The following RAB29 variants were observed in gnomAD, a reference collection of about 807,000 sequenced individuals.
The protein encoded by RAB29 is RAB29, member RAS oncogene family, also known as ras-related protein Rab-29.
RAB29 carries 13 observed loss-of-function variants against 25.5 expected under a neutral mutation model. The observed-to-expected ratio is 0.51, with a 90% confidence interval of 0.33 to 0.81. The LOEUF (loss-of-function observed/expected upper bound fraction) is 0.81. Ranked by LOEUF, RAB29 falls within the 30% of genes least tolerant of loss-of-function variation. RAB29 has a pLI of 0.02. For missense variants in RAB29, 201 were observed against 254.9 expected (o/e 0.79, Z 1.44); for synonymous variants, 88 against 95.0 (o/e 0.93, Z 0.43).
chr1:205,774,944 C>T lies in RAB29; in HGVS notation c.13G>A (p.Asp5Asn), dbSNP rs1476357239. ...ACCACCAGCACTTTGAACAGGTGGTCGCGGCTGCCCATGGCTAGCGGGGTG... is the reference window on the plus strand; with the variant it reads ...ACCACCAGCACTTTGAACAGGTGGTTGCGGCTGCCCATGGCTAGCGGGGTG... MGSR[D>N]HLFKVLVVGD... Residue 5 changes from aspartate to asparagine, a missense_variant, in exon 2 of 6, where the codon GAC (aspartate) becomes AAC (asparagine). By Grantham distance (23) the Asp-to-Asn change is conservative. Transcript: ENST00000367139. The T allele has an allele frequency of 5.6e-6, 9 of 1,613,776 alleles. No individual in the cohort carries two copies. Among genetic ancestry groups the T allele is most frequent in the Non-Finnish European group, 7.6e-6 (9 of 1,180,006 alleles).
chr1:205,774,795 T>TGCACC, intron 2 of RAB29, 38 bp downstream of exon 2: 2 of 860,522 alleles, frequency 2.3e-6, no homozygotes, highest in Non-Finnish European at 3.7e-6. Context: ...CGGGGCCTCC[T>TGCACC]CCTCCCCCTC....
intron 2 of RAB29, among the ~76,000 whole-genome samples, chr1:205,773,650 A>G (rs978477414): frequency 6.6e-6 from 1 of 152,030 alleles, no homozygotes; most frequent in Admixed American, 6.6e-5. Flanking sequence ...TTTCCCGAGT[A>G]GCTGGGACCA....
In RAB29 at chr1:205,770,556, G is replaced by A. The variant is rs1654935250; in HGVS notation, c.501-103C>T. On this transcript the variant is annotated intron_variant, in intron 5 of 5. Coordinates refer to ENST00000367139, the MANE Select transcript of RAB29 (RefSeq NM_003929.3). ...CAGAGAGTATTTGGTAAAGCCAGAA[G>A]GTTTAAATGCCCCTTTGTCCCCAGT... The A allele has an allele frequency of 5.0e-6, 7 of 1,399,836 alleles. No individual in the cohort carries two copies. In the South Asian group the frequency reaches 8.5e-5, roughly 17 times the overall value. The allele number at this position is 1,399,836 out of a possible 1,614,324, so 86.7% of individuals were successfully genotyped here. A position where few individuals can be genotyped will look rare whatever the true frequency, so the allele number is the denominator to read the frequency against.
Position 205,769,506 on chromosome 1 carries a change from G to GCAACCTCTGCCTCC in RAB29, c.*822_*835dup, listed in dbSNP as rs1654880176. The stretch of plus-strand genomic sequence containing the variant: ...TGCGGTGGCATGATCTCGGTTCACT[G>GCAACCTCTGCCTCC]CAACCTCTGCCTCCCAGTCTCAAGC... On this transcript the variant is annotated 3_prime_UTR_variant, in exon 6 of 6. Coordinates refer to ENST00000367139, the MANE Select transcript of RAB29 (RefSeq NM_003929.3). 2.0e-5 allele frequency: 3 copies of GCAACCTCTGCCTCC among 151,874 alleles called. No individual in the cohort carries two copies. Among genetic ancestry groups the GCAACCTCTGCCTCC allele is most frequent in the African/African-American group, 7.3e-5 (3 of 41,300 alleles). 9.4% of individuals were successfully genotyped at this position (151,874 alleles called of 1,614,324 possible).
rs562414235 is a variant in RAB29 at position 205,770,144 on chromosome 1, A to G, written c.*198T>C. The G allele has an allele frequency of 5.3e-5, 32 of 606,162 alleles. 1 individual carries two copies. The South Asian group carries it at 5.9e-4, about 11-fold the overall frequency. 37.5% of individuals were successfully genotyped at this position (606,162 alleles called of 1,614,324 possible). On this transcript the variant is annotated 3_prime_UTR_variant, in exon 6 of 6. Coordinates refer to ENST00000367139, the MANE Select transcript of RAB29 (RefSeq NM_003929.3). ...TAACTGGCACTAATGTGAGCCAGCA[A>G]CATGTGAAAGGCTAATCCAGGAGAT...
At chr1:205,771,240 A>G (rs1654982673) in intron 4 of RAB29, 1 of 551,050 alleles carries the variant, frequency 1.8e-6, no homozygotes, top group South Asian at 1.9e-5. Flanking sequence ...CAGAGCTGGC[A>G]GTGAGCCGAG....
chr1:205,771,711 T>C lies in RAB29; in HGVS notation c.197-58A>G, dbSNP rs1655035480. On this transcript the variant is annotated intron_variant, in intron 3 of 5. Coordinates refer to ENST00000367139, the MANE Select transcript of RAB29 (RefSeq NM_003929.3). ...CCAAGAGCCGGCCTCTCCCCATTCCTTGTAGAAGAGGGCAGTAAGCATATG... is the reference window on the plus strand; with the variant it reads ...CCAAGAGCCGGCCTCTCCCCATTCCCTGTAGAAGAGGGCAGTAAGCATATG... 4 of 1,522,894 alleles carry C rather than the reference T, an allele frequency of 2.6e-6. No individual in the cohort carries two copies. The African/African-American group carries it at 5.5e-5, about 21-fold the overall frequency. 94.3% of individuals were successfully genotyped at this position (1,522,894 alleles called of 1,614,324 possible).
chr1:205,769,053 T>G lies in RAB29; in HGVS notation c.*1289A>C, dbSNP rs1490094262. On this transcript the variant is annotated 3_prime_UTR_variant, in exon 6 of 6. Coordinates refer to ENST00000367139, the MANE Select transcript of RAB29 (RefSeq NM_003929.3). Reference sequence around the variant, plus strand: ...ACAAATTAAATGGTCTAGTAGTGATTTGATACTAAAAAGCCCTGCCCAATT... The same window carrying G: ...ACAAATTAAATGGTCTAGTAGTGATGTGATACTAAAAAGCCCTGCCCAATT... The G allele has an allele frequency of 3.9e-5, 6 of 152,194 alleles. No individual in the cohort carries two copies. The highest frequency in any genetic ancestry group is 1.2e-4 in the African/African-American group (5 of 41,438). The allele number at this position is 152,194 out of a possible 1,614,324, so 9.4% of individuals were successfully genotyped here.
chr1:205,774,433 C>T (rs1655192448), intron 2 of RAB29, among the ~76,000 whole-genome samples: 1 of 152,218 alleles, frequency 6.6e-6, no homozygotes, highest in East Asian at 1.9e-4. Context: ...CCAGCCGGCA[C>T]CTAACCAGGA....
At chr1:205,775,208 C>T (rs1655260366) in intron 1 of RAB29, 65 bp downstream of exon 1, 3 of 471,040 alleles carry the variant, frequency 6.4e-6, no homozygotes, top group Non-Finnish European at 7.6e-6. Flanking sequence ...CTGTTCGCAC[C>T]TTCCCCACCC....
rs759682519 is a variant in RAB29, at chr1:205,774,921, C to T, written c.36G>A (p.Val12=). Residue 12 remains valine, a synonymous_variant, in exon 2 of 6, where the codon GTG becomes GTA. Transcript: ENST00000367139. The part of the protein sequence containing the change: ...GSRDHLFKVL[V]VGDAAVGKTS... The stretch of plus-strand genomic sequence containing the variant: ...TCTTGCCCACTGCGGCGTCCCCCAC[C>T]ACCAGCACTTTGAACAGGTGGTCGC... The T allele has an allele frequency of 1.9e-6, 3 of 1,614,016 alleles. No individual in the cohort carries two copies. The highest frequency in any genetic ancestry group is 1.7e-5 in the Admixed American group (1 of 60,020).
chr1:205,773,894 A>T (rs80178763), intron 2 of RAB29, among the ~76,000 whole-genome samples: 1,781 of 152,244 alleles, frequency 0.012, 29 homozygotes, highest in African/African-American at 0.041. Flanking sequence ...AGGAGCACAC[A>T]TTTTCAATTT....
chr1:205,769,073 C>T lies in RAB29; in HGVS notation c.*1269G>A, dbSNP rs1654857813. On this transcript the variant is annotated 3_prime_UTR_variant, in exon 6 of 6. Transcript: ENST00000367139. The stretch of plus-strand genomic sequence containing the variant: ...GTGATTTGATACTAAAAAGCCCTGC[C>T]CAATTTAGTACTTAAATTACCTAAT... The T allele has an allele frequency of 6.6e-6, 1 of 152,126 alleles. No individual in the cohort carries two copies. The allele number at this position is 152,126 out of a possible 1,614,324, so 9.4% of individuals were successfully genotyped here.
rs1321840845 is a variant in RAB29 at position 205,770,381 on chromosome 1, G to A, written c.573C>T (p.Ile191=). The change falls in exon 6 of 6, where the codon ATC becomes ATT. Residue 191 remains isoleucine (I), a synonymous_variant. Transcript: ENST00000367139. ...AGCTGGAGGACTTGGTTTGTAGATT[G>A]ATGTAGTCCCCTTGGGTGGACAAAG... ...IMSLSTQGDY[I]NLQTKSSSWS... 1 of 1,614,038 alleles carries A rather than the reference G, an allele frequency of 6.2e-7. No individual in the cohort carries two copies. Among genetic ancestry groups the A allele is most frequent in the Non-Finnish European group, 8.5e-7 (1 of 1,179,988 alleles).
intron 2 of RAB29, among the ~76,000 whole-genome samples, chr1:205,774,057 C>A (rs1655167988): frequency 6.6e-6 from 1 of 152,148 alleles, no homozygotes; most frequent in East Asian, 1.9e-4. Flanking sequence ...ATAGTTGAGT[C>A]CAAAGGCCAC....
In RAB29 at chr1:205,771,470, AC is replaced by A; in HGVS notation, c.378+1del. ...GACCATTTTCTGAGATTGGCCACAT[AC>A]CTTGTTGGCCAAGAGCAGGCAGGGC... On this transcript the variant is annotated splice_donor_variant, in intron 4 of 5. Coordinates refer to ENST00000367139, the MANE Select transcript of RAB29 (RefSeq NM_003929.3). LOFTEE classifies it high-confidence loss of function. The A allele has an allele frequency of 6.2e-7, 1 of 1,613,736 alleles. No homozygotes were observed.
chr1:205,770,481 G>A, intron 5 of RAB29, 28 bp from the exon 6 acceptor site: 3 of 1,588,928 alleles, frequency 1.9e-6, no homozygotes, highest in Non-Finnish European at 1.7e-6. Context: ...AGCCTGAGAA[G>A]CTTATTTTGG....
At position 205,775,439 on chromosome 1, in the gene RAB29, C is replaced by G. The variant is rs887215250; in HGVS notation, c.-297G>C. Reference sequence around the variant, plus strand: ...GACGCCCTCCCGCGCGCCTCTCTCTCCCCTTCCTCCGCAAGCGTCACGTGC... The same window carrying G: ...GACGCCCTCCCGCGCGCCTCTCTCTGCCCTTCCTCCGCAAGCGTCACGTGC... On this transcript the variant is annotated 5_prime_UTR_variant, in exon 1 of 6. Coordinates refer to ENST00000367139, the MANE Select transcript of RAB29 (RefSeq NM_003929.3). 6.5e-6 allele frequency: 1 copy of G among 154,680 alleles called. No homozygotes were observed. Among genetic ancestry groups the G allele is most frequent in the African/African-American group, 2.4e-5 (1 of 41,490 alleles). The allele number at this position is 154,680 out of a possible 1,614,324, so 9.6% of individuals were successfully genotyped here.
chr1:205,773,592 C>T lies in RAB29; in HGVS notation c.125-1025G>A, dbSNP rs577057260. On this transcript the variant is annotated intron_variant, in intron 2 of 5. Coordinates refer to ENST00000367139, the MANE Select transcript of RAB29 (RefSeq NM_003929.3). The stretch of plus-strand genomic sequence containing the variant: ...AGTGCAGTGAGTGGTGCGAACGGGG[C>T]TCACTGAAGCCTCGACCTCCCCAGT... Among the ~76,000 whole-genome samples, 10 of 152,278 alleles carry T rather than the reference C, an allele frequency of 6.6e-5. No homozygotes were observed. The South Asian group carries it at 2.1e-3, about 32-fold the overall frequency.
Sources: gnomAD v4.1 joint callset for allele counts (sites outside exome capture counted in the v4.1 genomes callset) on GRCh38, gnomAD v4.1.1 for gene constraint, MANE v1.5 for transcripts, NCBI Gene and HGNC (gene_info 2026-07-23, HGNC 2026-07-21) for gene names.